The following NTRK3 variants were observed in gnomAD, a reference collection of about 807,000 sequenced individuals.
NTRK3 encodes the protein neurotrophic receptor tyrosine kinase 3.
A neutral mutation model predicts 91.7 loss-of-function variants in NTRK3; 24 were observed. The ratio of observed to expected loss-of-function variants is 0.26; its 90% CI spans 0.19 to 0.37. The LOEUF (loss-of-function observed/expected upper bound fraction) is 0.37. Among genes scored for constraint, NTRK3 ranks in the 10% least tolerant of loss-of-function variants. The pLI, the probability that NTRK3 is intolerant of heterozygous loss-of-function variation, is 1.00. For missense variants in NTRK3, 880 were observed against 1,068.9 expected (o/e 0.82, Z 2.46); for synonymous variants, 483 against 404.0 (o/e 1.20, Z -2.34).
chr15:88,161,248 A>G (rs2044426652), intron 5 of NTRK3, among the ~76,000 whole-genome samples: 1 of 152,194 alleles, frequency 6.6e-6, no homozygotes, highest in Non-Finnish European at 1.5e-5. Flanking sequence ...TCTCTGTTTT[A>G]CAGAGAGGAG....
At chr15:88,011,801 G>A (rs937547515) in intron 14 of NTRK3, among the ~76,000 whole-genome samples, 5 of 152,128 alleles carry the variant, frequency 3.3e-5, no homozygotes, top group African/African-American at 9.7e-5. Context: ...CCCTCCCTTC[G>A]CCTGCCACTG....
intron 13 of NTRK3, among the ~76,000 whole-genome samples, chr15:88,080,004 A>G (rs1012941002): frequency 6.6e-6 from 1 of 152,202 alleles, no homozygotes; most frequent in African/African-American, 2.4e-5. Context: ...CAAATACCGT[A>G]AATATTTTTC....
chr15:88,105,545 C>T (rs1261213623), intron 13 of NTRK3, among the ~76,000 whole-genome samples: 1 of 152,226 alleles, frequency 6.6e-6, no homozygotes, highest in Non-Finnish European at 1.5e-5. Flanking sequence ...GTGTAGTACA[C>T]GCTCCACTAG....
chr15:88,051,361 A>T (rs761454516), intron 13 of NTRK3, among the ~76,000 whole-genome samples: 1 of 152,280 alleles, frequency 6.6e-6, no homozygotes, highest in Non-Finnish European at 1.5e-5. Flanking sequence ...AGCTCTTCTG[A>T]AGATCAAGGT....
In NTRK3 at chr15:88,242,520, C is replaced by G. The variant is rs182421243; in HGVS notation, c.248+13386G>C. Reference sequence around the variant, plus strand: ...CTGCCCCCGCTTCTCTTGAGATAACCCTTTGAGCTGTAGATCATTTGTCTA... The same window carrying G: ...CTGCCCCCGCTTCTCTTGAGATAACGCTTTGAGCTGTAGATCATTTGTCTA... On this transcript the variant is annotated intron_variant, in intron 3 of 18. Coordinates refer to ENST00000394480, the Ensembl canonical transcript of NTRK3. Among the ~76,000 whole-genome samples the G allele has an allele frequency of 7.5e-4, 114 of 152,268 alleles. 2 individuals carry two copies. In the East Asian group the frequency reaches 0.019, roughly 25 times the overall value.
chr15:88,083,254 C>A (rs982593827), intron 13 of NTRK3, among the ~76,000 whole-genome samples: 10 of 152,038 alleles, frequency 6.6e-5, no homozygotes, highest in African/African-American at 2.4e-4. Flanking sequence ...GAGTCTCCCT[C>A]TTGTCACCCA....
At chr15:87,986,977 G>A (rs1217231368) in intron 14 of NTRK3, among the ~76,000 whole-genome samples, 1 of 152,206 alleles carries the variant, frequency 6.6e-6, no homozygotes, top group Non-Finnish European at 1.5e-5. Context: ...TTGGCCCTTG[G>A]CCAATGAGTG....
chr15:88,076,588 G>T (rs1476985763), intron 13 of NTRK3, among the ~76,000 whole-genome samples: 4 of 151,276 alleles, frequency 2.6e-5, no homozygotes, highest in African/African-American at 9.7e-5. Context: ...TCAGACAGGG[G>T]ATACAAGAAG....
At chr15:88,073,710 G>A (rs1044632308) in intron 13 of NTRK3, among the ~76,000 whole-genome samples, 1 of 152,176 alleles carries the variant, frequency 6.6e-6, no homozygotes, top group Admixed American at 6.5e-5. Flanking sequence ...GAAGGACAAA[G>A]AGAGAAGAAG....
At chr15:87,915,331 G>A (rs1056518834) in intron 17 of NTRK3, among the ~76,000 whole-genome samples, 1 of 152,206 alleles carries the variant, frequency 6.6e-6, no homozygotes, top group Non-Finnish European at 1.5e-5. Flanking sequence ...ATCACCCTAA[G>A]CTCTCCCTCT....
chr15:88,126,211 T>C (rs2053268202), intron 13 of NTRK3, 60 bp downstream of exon 13: 1 of 1,256,782 alleles, frequency 8.0e-7, no homozygotes, highest in Non-Finnish European at 1.2e-6. Flanking sequence ...CAGTATCTTT[T>C]GATCAAAAGC....
intron 3 of NTRK3, among the ~76,000 whole-genome samples, chr15:88,213,426 C>T (rs2049435554): frequency 6.6e-6 from 1 of 152,202 alleles, no homozygotes; most frequent in Non-Finnish European, 1.5e-5. Flanking sequence ...AAGCTGCCCA[C>T]ACGTGTCCAC....
chr15:88,036,320 A>G (rs1325693422), intron 13 of NTRK3, among the ~76,000 whole-genome samples: 1 of 152,160 alleles, frequency 6.6e-6, no homozygotes, highest in Non-Finnish European at 1.5e-5. Context: ...GCAATCAGAA[A>G]GACAATGGAA....
At chr15:87,979,169 G>A (rs1054762067) in intron 14 of NTRK3, 12 of 656,818 alleles carry the variant, frequency 1.8e-5, no homozygotes, top group African/African-American at 5.4e-5. Flanking sequence ...CCTGCCAGTG[G>A]TGGATGGGGG....
intron 14 of NTRK3, among the ~76,000 whole-genome samples, chr15:87,966,563 T>C (rs957823160): frequency 1.3e-5 from 2 of 152,176 alleles, no homozygotes. Context: ...ACACTCTCGA[T>C]GTTCCCACTG....
chr15:87,978,470 C>T (rs1166075106), intron 14 of NTRK3: 1 of 228,584 alleles, frequency 4.4e-6, no homozygotes, highest in Non-Finnish European at 8.7e-6. Flanking sequence ...ATCCCGGGAT[C>T]ATGGGCTGGC....
At chr15:88,116,120 T>C (rs1428930858) in intron 13 of NTRK3, among the ~76,000 whole-genome samples, 1 of 152,166 alleles carries the variant, frequency 6.6e-6, no homozygotes, top group Admixed American at 6.5e-5. Flanking sequence ...ACAGTGTTGA[T>C]TGACCTGACA....
At chr15:88,157,243 C>A (rs2043994655) in intron 5 of NTRK3, among the ~76,000 whole-genome samples, 1 of 151,856 alleles carries the variant, frequency 6.6e-6, no homozygotes, top group South Asian at 2.1e-4. Flanking sequence ...ACACACACAC[C>A]ACACTACACA....
chr15:87,952,926 G>C (rs1433672171), intron 14 of NTRK3, among the ~76,000 whole-genome samples: 3 of 151,894 alleles, frequency 2.0e-5, no homozygotes, highest in African/African-American at 4.8e-5. Context: ...TCGGAGGCCA[G>C]GGCCTGCGAG....
Sources: allele counts gnomAD v4.1 joint callset (sites outside exome capture counted in the v4.1 genomes callset), GRCh38; gene constraint gnomAD v4.1.1; transcripts MANE v1.5; gene names NCBI Gene and HGNC (gene_info 2026-07-23, HGNC 2026-07-21).